The following AKAP9 variants were observed in gnomAD, a reference collection of about 807,000 sequenced individuals.
AKAP9 encodes the protein A-kinase anchoring protein 9.
In AKAP9, 311 loss-of-function variants were observed where a neutral mutation model predicts 488.5. The ratio of observed to expected loss-of-function variants is 0.64; its 90% CI spans 0.58 to 0.70. The LOEUF is 0.70. AKAP9 is among the 30% of genes least tolerant of loss of function. AKAP9 has a pLI of 0.00. For synonymous variants in AKAP9, 1,462 were observed against 1,483.5 expected, an observed-to-expected ratio of 0.99 and a Z score of 0.33; for missense variants, 4,215 against 4,374.5, an observed-to-expected ratio of 0.96 and a Z score of 1.03.
At chr7:92,012,016 G>A (rs1173512125) in intron 8 of AKAP9, among the ~76,000 whole-genome samples, 1 of 152,194 alleles carries the variant, frequency 6.6e-6, no homozygotes, top group Admixed American at 6.5e-5. Flanking sequence ...TGGGAGGATC[G>A]CTTGAACCCA....
At chr7:92,011,609 C>T (rs1361735283) in intron 8 of AKAP9, among the ~76,000 whole-genome samples, 1 of 152,088 alleles carries the variant, frequency 6.6e-6, no homozygotes, top group African/African-American at 2.4e-5. Context: ...AGATTTACTA[C>T]AAAATCATAA....
intron 8 of AKAP9, among the ~76,000 whole-genome samples, chr7:92,004,906 G>A (rs1330423357): frequency 6.6e-6 from 1 of 152,182 alleles, no homozygotes; most frequent in Non-Finnish European, 1.5e-5. Flanking sequence ...AGTTTTCAAA[G>A]GGAATGCTTC....
At chr7:91,952,840 G>T (rs184728947) in intron 1 of AKAP9, among the ~76,000 whole-genome samples, 116 of 152,178 alleles carry the variant, frequency 7.6e-4, no homozygotes, top group Admixed American at 2.2e-3. Flanking sequence ...ATTTTTTAGA[G>T]GCAGAGTCTC....
At chr7:92,093,036 A>G (rs1166176659) in intron 38 of AKAP9, 61 bp from the exon 39 acceptor site, 7 of 1,437,606 alleles carry the variant, frequency 4.9e-6, no homozygotes, top group African/African-American at 1.4e-5. Context: ...ATCAACAAAT[A>G]TTTATAAACC....
At chr7:92,058,053 T>TA (rs1035400565) in intron 22 of AKAP9, 2 of 398,748 alleles carry the variant, frequency 5.0e-6, no homozygotes, top group Non-Finnish European at 9.7e-6. Context: ...TTGATAGTGC[T>TA]AAAAAAGAAA....
intron 38 of AKAP9, chr7:92,092,359 G>C (rs78291049): frequency 0.12 from 18,205 of 152,070 alleles, 1,250 homozygotes; most frequent in East Asian, 0.37. Flanking sequence ...TCTGCAGTGG[G>C]GTGCTGAACA....
intron 3 of AKAP9, among the ~76,000 whole-genome samples, chr7:91,984,384 G>A (rs1432965615): frequency 6.6e-6 from 1 of 152,134 alleles, no homozygotes; most frequent in East Asian, 1.9e-4. Context: ...TATTAAATAG[G>A]GAATCCTTTC....
At chr7:92,081,245 A>G (rs1333081157) in intron 31 of AKAP9, among the ~76,000 whole-genome samples, 2 of 151,836 alleles carry the variant, frequency 1.3e-5, no homozygotes, top group East Asian at 3.8e-4. Flanking sequence ...CTTTACAGAA[A>G]GAAATCTATT....
At chr7:92,072,560 C>T (rs1811889289) in intron 28 of AKAP9, among the ~76,000 whole-genome samples, 1 of 152,130 alleles carries the variant, frequency 6.6e-6, no homozygotes, top group Admixed American at 6.5e-5. Flanking sequence ...ATTTGAGATA[C>T]TTTTCTCTCA....
intron 1 of AKAP9, among the ~76,000 whole-genome samples, chr7:91,969,932 TTAC>T (rs1328799718): frequency 6.6e-6 from 1 of 152,210 alleles, no homozygotes; most frequent in African/African-American, 2.4e-5. Flanking sequence ...AAGTGAGGTC[TTAC>T]TAATGCTATT....
intron 12 of AKAP9, among the ~76,000 whole-genome samples, chr7:92,018,851 C>G (rs550679662): frequency 2.1e-4 from 32 of 152,272 alleles, no homozygotes; most frequent in African/African-American, 7.7e-4. Context: ...AGTCATATAT[C>G]TCATCAGATA....
intron 41 of AKAP9, 110 bp downstream of exon 41, chr7:92,097,467 T>G: frequency 1.3e-6 from 2 of 1,512,748 alleles, no homozygotes; most frequent in South Asian, 1.2e-5. Context: ...GTAAATCACT[T>G]AAAAATGAAA....
intron 26 of AKAP9, among the ~76,000 whole-genome samples, chr7:92,067,425 T>C (rs971074280): frequency 4.0e-5 from 6 of 150,230 alleles, no homozygotes; most frequent in African/African-American, 1.5e-4. Flanking sequence ...ACCTGCCCCA[T>C]TGCTGAGAAC....
At chr7:92,022,437 C>T (rs1278344535) in intron 13 of AKAP9, 85 bp downstream of exon 13, 12 of 938,406 alleles carry the variant, frequency 1.3e-5, no homozygotes, top group Admixed American at 5.6e-5. Flanking sequence ...TGTGAGCTAA[C>T]GTAGTGACCT....
chr7:92,002,588 A>G lies in AKAP9; in HGVS notation c.2671A>G (p.Ser891Gly). The change falls in exon 8 of 50, where the codon AGT becomes GGT. Residue 891 changes from serine to glycine, a missense_variant. Coordinates refer to ENST00000356239, the MANE Select transcript of AKAP9 (RefSeq NM_005751.5). Reference sequence around the variant, plus strand: ...AAATAAACAGGAATTAGAGTATAAAAGTAAACTTAAAGCACTTAATGAAGA... The same window carrying G: ...AAATAAACAGGAATTAGAGTATAAAGGTAAACTTAAAGCACTTAATGAAGA... ...SKNKQELEYK[S>G]KLKALNEELH... 6.2e-7 allele frequency: 1 copy of G among 1,610,408 alleles called. No homozygotes were observed. The highest frequency in any genetic ancestry group is 8.5e-7 in the Non-Finnish European group (1 of 1,178,502).
At chr7:91,983,046 T>A (rs1796632127) in intron 3 of AKAP9, among the ~76,000 whole-genome samples, 1 of 152,112 alleles carries the variant, frequency 6.6e-6, no homozygotes, top group Admixed American at 6.5e-5. Flanking sequence ...TGCTTTTTTT[T>A]TCTTTCTTTT....
At chr7:92,053,523 T>C (rs1267842137) in intron 22 of AKAP9, among the ~76,000 whole-genome samples, 1 of 152,160 alleles carries the variant, frequency 6.6e-6, no homozygotes, top group Non-Finnish European at 1.5e-5. Flanking sequence ...GGGCTCCTCC[T>C]GAAACATTCA....
rs770884109 is a variant in AKAP9 at position 92,085,543 on chromosome 7, A to G, written c.8881A>G (p.Thr2961Ala). 1 of 1,614,090 alleles carries G rather than the reference A, an allele frequency of 6.2e-7. No homozygotes were observed. The highest frequency in any genetic ancestry group is 1.7e-5 in the Admixed American group (1 of 60,006). Residue 2961 changes from threonine to alanine, a missense_variant, in exon 36 of 50, where the codon ACT (threonine) becomes GCT (alanine). Physicochemically the swap from Thr to Ala is moderately conservative, Grantham distance 58 (BLOSUM62 0). Transcript: ENST00000356239. ...TGAAGGCATGCAGGTGCTTTCTCTC[A>G]CTGAGTCTCCCTATAGTGATGGAGA... ...HNEGMQVLSL[T>A]ESPYSDGEDH...
chr7:91,941,096 G>GT lies in AKAP9; in HGVS notation c.-4_-3insT. On this transcript the variant is annotated 5_prime_UTR_variant, in exon 1 of 50. Coordinates refer to ENST00000356239, the MANE Select transcript of AKAP9 (RefSeq NM_005751.5). ...TGTTTTCCCCTGCCTTCCTTGCAGAGGCCATGGAGGACGAGGAGAGACAGA... is the reference window on the plus strand; with the variant it reads ...TGTTTTCCCCTGCCTTCCTTGCAGAGTGCCATGGAGGACGAGGAGAGACAGA... The GT allele has an allele frequency of 6.2e-7, 1 of 1,613,972 alleles. No homozygotes were observed. The highest frequency in any genetic ancestry group is 8.5e-7 in the Non-Finnish European group (1 of 1,179,826).
Sources: gnomAD v4.1 joint callset for allele counts (sites outside exome capture counted in the v4.1 genomes callset) on GRCh38, gnomAD v4.1.1 for gene constraint, MANE v1.5 for transcripts, NCBI Gene and HGNC (gene_info 2026-07-23, HGNC 2026-07-21) for gene names.